NAA25: variants seen among roughly 807,000 people sequenced by gnomAD.
NAA25 encodes the protein N-alpha-acetyltransferase 25, NatB auxiliary subunit, also known as N-terminal acetyltransferase B complex subunit NAA25.
Under a neutral mutation model 132.5 loss-of-function variants are expected in NAA25, and 30 were observed. The observed-to-expected ratio is 0.23, with a 90% CI of 0.17 to 0.31. NAA25 has a LOEUF of 0.31. NAA25 is among the 10% of genes least tolerant of loss of function. The pLI, the probability that NAA25 is intolerant of heterozygous loss-of-function variation, is 1.00. For synonymous variants in NAA25, 359 were observed against 401.9 expected (o/e 0.89, Z 1.28); for missense variants, 771 against 1,150.4 (o/e 0.67, Z 4.77).
intron 20 of NAA25, 144 bp from the exon 21 acceptor site, chr12:112,040,722 C>T (rs943729441): frequency 6.9e-6 from 4 of 579,344 alleles, no homozygotes; most frequent in Non-Finnish European, 1.2e-5. Context: ...AACCAAACTC[C>T]AAAGGATAGA....
intron 9 of NAA25, among the ~76,000 whole-genome samples, chr12:112,072,524 G>A (rs1207199465): frequency 5.3e-5 from 8 of 150,910 alleles, no homozygotes; most frequent in African/African-American, 1.7e-4. Context: ...CAGGAGAATC[G>A]CTTGAACCCA....
Position 112,049,859 on chromosome 12 carries a change from G to GA in NAA25, c.1729-1417dup, listed in dbSNP as rs532940186. Among the ~76,000 whole-genome samples, 15 of 146,482 alleles carry GA rather than the reference G, an allele frequency of 1.0e-4. No homozygotes were observed. The highest frequency in any genetic ancestry group is 2.3e-4 in the African/African-American group (9 of 39,994). On this transcript the variant is annotated intron_variant, in intron 15 of 23. Transcript: ENST00000261745. The surrounding 1 kb of genome is among the most constrained non-coding windows in gnomAD (Gnocchi z 4.7). ...CTTGTAATAGGAACTTACAGCTGGG[G>GA]AAAAAAAAACAGCTGGTTAGGAACA... is the stretch of plus-strand genomic sequence containing the variant.
At chr12:112,033,838 G>C (rs1044681907) in intron 22 of NAA25, 10 of 151,448 alleles carry the variant, frequency 6.6e-5, no homozygotes, top group African/African-American at 2.4e-4. Context: ...ACATTATTAT[G>C]TTAAGAACCC....
chr12:112,088,142 C>T (rs1434130729), intron 3 of NAA25, among the ~76,000 whole-genome samples: 3 of 152,128 alleles, frequency 2.0e-5, no homozygotes, highest in Non-Finnish European at 4.4e-5. Flanking sequence ...AAACTCTTCG[C>T]TCTGCCTGAA....
At chr12:112,059,281 C>A (rs1014948380) in intron 13 of NAA25, among the ~76,000 whole-genome samples, 2 of 151,646 alleles carry the variant, frequency 1.3e-5, no homozygotes, top group African/African-American at 4.8e-5. Context: ...TCAAAAAAAA[C>A]AAAACTGAGT....
At chr12:112,081,648 A>G (rs1007917903) in intron 4 of NAA25, among the ~76,000 whole-genome samples, 2 of 152,228 alleles carry the variant, frequency 1.3e-5, no homozygotes, top group Non-Finnish European at 2.9e-5. Flanking sequence ...TGAAATGTAT[A>G]ATATGCAAAT....
chr12:112,068,201 G>A (rs2078747578), intron 11 of NAA25, among the ~76,000 whole-genome samples: 1 of 152,106 alleles, frequency 6.6e-6, no homozygotes, highest in Non-Finnish European at 1.5e-5. Flanking sequence ...CACCGTACCT[G>A]GCTGTACTTC....
intron 15 of NAA25, 126 bp from the exon 16 acceptor site, chr12:112,048,569 G>C (rs554048187): frequency 5.4e-6 from 4 of 737,566 alleles, no homozygotes; most frequent in Admixed American, 2.5e-5. Flanking sequence ...TAAAGGTCTT[G>C]GTCACCAAGT....
Position 112,043,093 on chromosome 12 carries a change from C to A in NAA25, c.2369G>T (p.Gly790Val), listed in dbSNP as rs749929496. 1.2e-6 allele frequency: 2 copies of A among 1,609,236 alleles called. No homozygotes were observed. The highest frequency in any genetic ancestry group is 2.2e-5 in the South Asian group (2 of 90,546). Residue 790 changes from glycine (G) to valine (V), a missense_variant, in exon 19 of 24, where the codon GGT becomes GTT. Physicochemically the swap from Gly to Val is moderately radical, Grantham distance 109 (BLOSUM62 -3). Around this residue, in one of 3 missense-constraint regions of NAA25, gnomAD observed 324 missense variants for 400.0 expected, o/e 0.81. Coordinates refer to ENST00000261745, the MANE Select transcript of NAA25 (RefSeq NM_024953.4). ...AACACACAGTGTACACTTACCTAAA[C>A]CACTGGTATCCAGCTCATAAATATC... ...VNDIYELDTS[G>V]LEDTMEIQER...
intron 23 of NAA25, among the ~76,000 whole-genome samples, chr12:112,031,211 A>T (rs1363233759): frequency 6.6e-6 from 1 of 152,262 alleles, no homozygotes; most frequent in African/African-American, 2.4e-5. Context: ...GAAGAAAGGG[A>T]ATCAGGACTA....
chr12:112,048,222 G>A (rs1183439255), intron 16 of NAA25, 70 bp downstream of exon 16: 5 of 1,445,206 alleles, frequency 3.5e-6, no homozygotes, highest in Non-Finnish European at 4.7e-6. Context: ...TAACACCCAT[G>A]AGCCCATTAA....
intron 10 of NAA25, among the ~76,000 whole-genome samples, chr12:112,069,450 C>T (rs1194976417): frequency 6.6e-6 from 1 of 152,100 alleles, no homozygotes. Flanking sequence ...TTGCAGTGAG[C>T]CAAGATCATG....
intron 10 of NAA25, 119 bp from the exon 11 acceptor site, chr12:112,069,111 C>T (rs1044518624): frequency 4.7e-6 from 3 of 631,660 alleles, no homozygotes; most frequent in Non-Finnish European, 8.4e-6. Context: ...TGCAACTGGT[C>T]CCAAGATAGC....
At chr12:112,095,079 A>G (rs1333288581) in intron 1 of NAA25, among the ~76,000 whole-genome samples, 4 of 152,152 alleles carry the variant, frequency 2.6e-5, no homozygotes. Flanking sequence ...AAGCGGGAGG[A>G]TAACTTGAGG....
At chr12:112,053,678 G>GAAAAAAAAAAAA in intron 14 of NAA25, 21 bp from the exon 15 acceptor site, 1 of 1,319,512 alleles carries the variant, frequency 7.6e-7, no homozygotes, top group Admixed American at 2.0e-5. Context: ...AGGAAAGAAG[G>GAAAAAAAAAAAA]AAAAAAAAAG....
chr12:112,105,802 C>T (rs1374202133), intron 1 of NAA25, among the ~76,000 whole-genome samples: 1 of 152,248 alleles, frequency 6.6e-6, no homozygotes, highest in Non-Finnish European at 1.5e-5. Flanking sequence ...AGCTCTACAA[C>T]TTGGTAGCTA....
intron 7 of NAA25, among the ~76,000 whole-genome samples, chr12:112,076,428 A>G (rs770416269): frequency 3.9e-5 from 6 of 152,180 alleles, no homozygotes; most frequent in Non-Finnish European, 7.4e-5. Flanking sequence ...AATTTAGTCC[A>G]TAGACAAGCT....
chr12:112,102,779 TG>T (rs1566037694), intron 1 of NAA25, among the ~76,000 whole-genome samples: 1 of 133,794 alleles, frequency 7.5e-6, no homozygotes, highest in Non-Finnish European at 1.5e-5. Flanking sequence ...CTCCGCCTCC[TG>T]GGTTCACGCG....
chr12:112,083,687 T>C (rs900702455), intron 4 of NAA25, among the ~76,000 whole-genome samples: 11 of 152,134 alleles, frequency 7.2e-5, no homozygotes, highest in South Asian at 2.1e-4. Context: ...GGAAATTCCA[T>C]TGATCCCTGG....
Sources: allele counts gnomAD v4.1 joint callset (sites outside exome capture counted in the v4.1 genomes callset), GRCh38; gene constraint gnomAD v4.1.1; regional missense constraint gnomAD v4.1.1; non-coding constraint Gnocchi (gnomAD v3.1); transcripts MANE v1.5; gene names NCBI Gene and HGNC (gene_info 2026-07-23, HGNC 2026-07-21).